RXFP1: variants seen among roughly 807,000 people sequenced by gnomAD.
RXFP1 encodes the protein relaxin receptor 1.
A neutral mutation model predicts 89.8 loss-of-function variants in RXFP1; 73 were observed. The ratio of observed to expected loss-of-function variants is 0.81; its 90% CI spans 0.67 to 0.99. The LOEUF (loss-of-function observed/expected upper bound fraction) is 0.99. RXFP1 is among the 50% of genes least tolerant of loss of function. RXFP1 has a pLI of 0.00. For missense variants in RXFP1, 793 were observed against 895.5 expected (o/e 0.89, Z 1.46); for synonymous variants, 277 against 305.5 (o/e 0.91, Z 0.97).
At position 158,554,143 on chromosome 4, in the gene RXFP1, A is replaced by G. The variant is rs113592942; in HGVS notation, c.50-18555A>G. Among the ~76,000 whole-genome samples the G allele has an allele frequency of 1.8e-4, 27 of 152,282 alleles. 1 individual carries two copies. The highest frequency in any genetic ancestry group is 1.7e-3 in the South Asian group (8 of 4,824). On this transcript the variant is annotated intron_variant, in intron 1 of 17. Transcript: ENST00000307765. ...TCCCCTGGGTCCAAAATAATCCCCA[A>G]TTAAGAACCACTAGCTTAGTCCCAC...
At chr4:158,638,397 T>C (rs1769646926) in intron 13 of RXFP1, among the ~76,000 whole-genome samples, 3 of 152,210 alleles carry the variant, frequency 2.0e-5, no homozygotes, top group Admixed American at 2.0e-4. Context: ...TATTTTATAA[T>C]TTATTATAAG....
chr4:158,529,244 T>TTTTTG lies in RXFP1; in HGVS notation c.49+7221_49+7222insTTGTT, dbSNP rs756051922. On this transcript the variant is annotated intron_variant, in intron 1 of 17. Coordinates refer to ENST00000307765, the MANE Select transcript of RXFP1 (RefSeq NM_021634.4). ...GATCTCTTTTTTTGCTTGCTTGTTT[T>TTTTTG]TTGTTGTTGTTGTTGTTGTTGTTGT... 1.6e-3 allele frequency among the ~76,000 whole-genome samples: 176 copies of TTTTTG among 110,050 alleles called. 1 individual carries two copies. Among genetic ancestry groups the TTTTTG allele is most frequent in the East Asian group, 0.01 (51 of 4,882 alleles). The allele number at this position is 110,050 out of a possible 152,430, so 72.2% of individuals were successfully genotyped here. A position where few individuals can be genotyped will look rare whatever the true frequency, so the allele number is the denominator to read the frequency against.
chr4:158,608,104 C>A, intron 6 of RXFP1, 61 bp downstream of exon 6: 2 of 1,074,572 alleles, frequency 1.9e-6, no homozygotes, highest in South Asian at 1.4e-5. Context: ...TAGACTATTC[C>A]AATCCAGACC....
chr4:158,640,822 TAAG>T (rs1043389435), intron 14 of RXFP1, among the ~76,000 whole-genome samples: 75 of 152,366 alleles, frequency 4.9e-4, no homozygotes, highest in Middle Eastern at 6.8e-3. Flanking sequence ...TGAAGGTAGT[TAAG>T]AAGAAGTCTT....
intron 6 of RXFP1, among the ~76,000 whole-genome samples, chr4:158,608,267 T>C (rs1762884252): frequency 6.6e-6 from 1 of 150,418 alleles, no homozygotes; most frequent in South Asian, 2.1e-4. Flanking sequence ...CTTGAGCAAT[T>C]TGTATTCCTT....
Position 158,617,209 on chromosome 4 carries a change from A to G in RXFP1, c.755+4A>G. 1 of 1,595,434 alleles carries G rather than the reference A, an allele frequency of 6.3e-7. No individual in the cohort carries two copies. Among genetic ancestry groups the G allele is most frequent in the East Asian group, 2.3e-5 (1 of 44,150 alleles). On this transcript the variant is annotated splice_donor_region_variant and intron_variant, in intron 9 of 17. Coordinates refer to ENST00000307765, the MANE Select transcript of RXFP1 (RefSeq NM_021634.4). Reference sequence around the variant, plus strand: ...ACATGCCAAGACTACATTGGCTGTAAGCGATTCTGTCTTTTTTTAAAGAAC... The same window carrying G: ...ACATGCCAAGACTACATTGGCTGTAGGCGATTCTGTCTTTTTTTAAAGAAC...
intron 1 of RXFP1, among the ~76,000 whole-genome samples, chr4:158,535,504 A>G (rs565629474): frequency 6.8e-6 from 1 of 147,872 alleles, no homozygotes; most frequent in South Asian, 2.2e-4. Flanking sequence ...GGTTTTCACA[A>G]GGAAGTAACT....
At chr4:158,578,003 C>A (rs561597694) in intron 2 of RXFP1, among the ~76,000 whole-genome samples, 1 of 152,056 alleles carries the variant, frequency 6.6e-6, no homozygotes, top group Non-Finnish European at 1.5e-5. Flanking sequence ...GAACACAATG[C>A]AAGCAAAATC....
chr4:158,629,719 T>C (rs555220673), intron 11 of RXFP1, among the ~76,000 whole-genome samples: 2 of 151,992 alleles, frequency 1.3e-5, no homozygotes, highest in East Asian at 3.9e-4. Context: ...CTCGAACTCC[T>C]TGGACTCAAG....
intron 1 of RXFP1, among the ~76,000 whole-genome samples, chr4:158,571,556 G>A (rs1413459739): frequency 6.6e-6 from 1 of 152,122 alleles, no homozygotes; most frequent in Non-Finnish European, 1.5e-5. Context: ...CAGCTACTCA[G>A]GAGGCTGAGG....
At chr4:158,611,927 AGATT>A (rs1240075247) in intron 6 of RXFP1, among the ~76,000 whole-genome samples, 199 bp from the exon 7 acceptor site, 2 of 152,212 alleles carry the variant, frequency 1.3e-5, no homozygotes, top group Non-Finnish European at 2.9e-5. Context: ...ATGAATGAAT[AGATT>A]GATTAATTAA....
intron 1 of RXFP1, among the ~76,000 whole-genome samples, chr4:158,528,308 T>TG (rs568236058): frequency 2.6e-5 from 4 of 152,000 alleles, no homozygotes; most frequent in East Asian, 1.9e-4. Context: ...AAGACCAGCC[T>TG]GGGGGGGCAA....
chr4:158,579,300 A>G (rs1160177037), intron 2 of RXFP1, among the ~76,000 whole-genome samples: 1 of 151,962 alleles, frequency 6.6e-6, no homozygotes, highest in Admixed American at 6.6e-5. Flanking sequence ...ACAGAGTCTC[A>G]CTCTGTAGCC....
chr4:158,598,951 G>T (rs1396954481), intron 3 of RXFP1, among the ~76,000 whole-genome samples: 1 of 151,486 alleles, frequency 6.6e-6, no homozygotes, highest in Non-Finnish European at 1.5e-5. Flanking sequence ...GGCAGTTGTA[G>T]TATGAACATT....
chr4:158,650,450 T>TAA (rs567617351), intron 17 of RXFP1, among the ~76,000 whole-genome samples: 28 of 149,588 alleles, frequency 1.9e-4, no homozygotes, highest in South Asian at 1.7e-3. Context: ...TATATATATA[T>TAA]AATGCAGTTT....
At chr4:158,554,192 A>T in intron 1 of RXFP1, among the ~76,000 whole-genome samples, 1 of 152,188 alleles carries the variant, frequency 6.6e-6, no homozygotes, top group East Asian at 1.9e-4. Context: ...ATCTAGAGAA[A>T]ACTAATATTA....
At chr4:158,624,306 A>G (rs565287733) in intron 9 of RXFP1, among the ~76,000 whole-genome samples, 2 of 152,228 alleles carry the variant, frequency 1.3e-5, no homozygotes, top group Non-Finnish European at 2.9e-5. Context: ...TCATCACCTC[A>G]GTTTTCTCTG....
At chr4:158,551,182 C>A (rs1419237431) in intron 1 of RXFP1, among the ~76,000 whole-genome samples, 5 of 152,160 alleles carry the variant, frequency 3.3e-5, no homozygotes, top group African/African-American at 1.2e-4. Context: ...TGAACCTAGA[C>A]AGCATTATGC....
chr4:158,586,762 G>A (rs1758379619), intron 2 of RXFP1, among the ~76,000 whole-genome samples: 1 of 152,080 alleles, frequency 6.6e-6, no homozygotes, highest in Non-Finnish European at 1.5e-5. Flanking sequence ...AGAAAGAAAA[G>A]TAAAAGCTTA....
Sources: gnomAD v4.1 joint callset for allele counts (sites outside exome capture counted in the v4.1 genomes callset) on GRCh38, gnomAD v4.1.1 for gene constraint, MANE v1.5 for transcripts, NCBI Gene and HGNC (gene_info 2026-07-23, HGNC 2026-07-21) for gene names.